DIAPH3: variants seen among roughly 807,000 people sequenced by gnomAD.
DIAPH3 encodes the protein diaphanous related formin 3.
Under a neutral mutation model 144.3 loss-of-function variants are expected in DIAPH3, and 117 were observed. That is an observed-to-expected ratio of 0.81 (90% CI 0.70 to 0.95). DIAPH3 has a LOEUF of 0.95. Among genes scored for constraint, DIAPH3 ranks in the 40% least tolerant of loss-of-function variants. DIAPH3 has a pLI of 0.00. For missense variants in DIAPH3, 1,421 were observed against 1,412.7 expected, an observed-to-expected ratio of 1.01 and a Z score of -0.09; for synonymous variants, 519 against 488.9, an observed-to-expected ratio of 1.06 and a Z score of -0.81.
At chr13:59,728,755 A>G (rs894756322) in intron 27 of DIAPH3, among the ~76,000 whole-genome samples, 1 of 152,208 alleles carries the variant, frequency 6.6e-6, no homozygotes, top group Admixed American at 6.5e-5. Context: ...ACTTTTACCA[A>G]CACACAGGAA....
chr13:59,758,317 C>T (rs1303303156), intron 27 of DIAPH3, among the ~76,000 whole-genome samples: 2 of 152,038 alleles, frequency 1.3e-5, no homozygotes, highest in South Asian at 2.1e-4. Flanking sequence ...CCACTGATAA[C>T]AGGAAAAAAA....
chr13:60,025,879 A>G (rs2054339320), intron 5 of DIAPH3, among the ~76,000 whole-genome samples: 1 of 152,142 alleles, frequency 6.6e-6, no homozygotes, highest in South Asian at 2.1e-4. Flanking sequence ...AGAGAATATT[A>G]GAGGAGCAAT....
chr13:60,133,692 CA>C (rs2059198600), intron 1 of DIAPH3, among the ~76,000 whole-genome samples: 1 of 151,748 alleles, frequency 6.6e-6, no homozygotes, highest in Non-Finnish European at 1.5e-5. Flanking sequence ...AAATACAATT[CA>C]AAAGAAAAAA....
intron 24 of DIAPH3, among the ~76,000 whole-genome samples, chr13:59,817,954 T>C (rs1352143816): frequency 6.6e-6 from 1 of 152,008 alleles, no homozygotes; most frequent in African/African-American, 2.4e-5. Flanking sequence ...TTGTGTACTT[T>C]CTTTACATTT....
intron 24 of DIAPH3, among the ~76,000 whole-genome samples, chr13:59,815,738 G>A (rs1239999295): frequency 1.3e-5 from 2 of 152,090 alleles, no homozygotes; most frequent in Admixed American, 6.6e-5. Flanking sequence ...TTACAGGGAT[G>A]AGCCACCACA....
chr13:59,924,575 A>C (rs550490667), intron 18 of DIAPH3, among the ~76,000 whole-genome samples, 200 bp downstream of exon 18: 2 of 150,168 alleles, frequency 1.3e-5, no homozygotes, highest in Non-Finnish European at 3.0e-5. Flanking sequence ...ACCTCTTCTT[A>C]TTTGTATTTT....
At chr13:59,851,635 CTTTTTTT>C (rs200870976) in intron 22 of DIAPH3, among the ~76,000 whole-genome samples, 9 of 112,390 alleles carry the variant, frequency 8.0e-5, no homozygotes, top group African/African-American at 2.9e-4. Flanking sequence ...ATAGATGAAT[CTTTTTTT>C]TTTTTTTTTT....
chr13:59,721,744 T>G (rs927516650), intron 27 of DIAPH3, among the ~76,000 whole-genome samples: 4 of 152,200 alleles, frequency 2.6e-5, no homozygotes, highest in African/African-American at 9.7e-5. Flanking sequence ...ATACAACCTC[T>G]TGGAACAAAA....
chr13:60,016,355 C>A (rs1316547323), intron 5 of DIAPH3, among the ~76,000 whole-genome samples: 2 of 152,180 alleles, frequency 1.3e-5, no homozygotes, highest in Non-Finnish European at 2.9e-5. Flanking sequence ...TCCGCTTGCA[C>A]AGGCTTGTAA....
intron 20 of DIAPH3, among the ~76,000 whole-genome samples, chr13:59,881,234 G>A (rs562714871): frequency 6.6e-6 from 1 of 152,032 alleles, no homozygotes; most frequent in South Asian, 2.1e-4. Flanking sequence ...ATGTTCATAT[G>A]ACACTGGTAA....
At chr13:59,983,976 G>C in intron 12 of DIAPH3, 89 bp from the exon 13 acceptor site, 2 of 823,234 alleles carry the variant, frequency 2.4e-6, no homozygotes, top group South Asian at 2.9e-5. Context: ...TTGATTTCAA[G>C]TTCAACAATT....
chr13:59,960,572 C>T (rs1268578771), intron 17 of DIAPH3, among the ~76,000 whole-genome samples: 1 of 152,182 alleles, frequency 6.6e-6, no homozygotes, highest in Non-Finnish European at 1.5e-5. Flanking sequence ...TAAAGGCTCT[C>T]TATGCCTTAA....
intron 4 of DIAPH3, among the ~76,000 whole-genome samples, chr13:60,084,218 G>A (rs535915579): frequency 6.6e-6 from 1 of 152,150 alleles, no homozygotes; most frequent in South Asian, 2.1e-4. Context: ...GGCAGATGGA[G>A]GGCTTTCCAG....
chr13:59,821,938 G>C (rs1267259886), intron 24 of DIAPH3, among the ~76,000 whole-genome samples: 5 of 152,142 alleles, frequency 3.3e-5, no homozygotes, highest in Non-Finnish European at 7.4e-5. Context: ...GGATGTGCAG[G>C]TGCTGATTAT....
At chr13:60,096,238 T>A (rs2058100358) in intron 3 of DIAPH3, among the ~76,000 whole-genome samples, 1 of 152,220 alleles carries the variant, frequency 6.6e-6, no homozygotes, top group Non-Finnish European at 1.5e-5. Context: ...ATTTTCAGGC[T>A]AATGGCCAAA....
Sources: allele counts gnomAD v4.1 joint callset (sites outside exome capture counted in the v4.1 genomes callset), GRCh38; gene constraint gnomAD v4.1.1; transcripts MANE v1.5; gene names NCBI Gene and HGNC (gene_info 2026-07-23, HGNC 2026-07-21).